EIF4G3: variants seen among roughly 807,000 people sequenced by gnomAD.
EIF4G3 encodes the protein eukaryotic translation initiation factor 4 gamma 3, also known as eIF-4-gamma 3.
Under a neutral mutation model 186.4 loss-of-function variants are expected in EIF4G3, and 34 were observed. The observed-to-expected ratio is 0.18, with a 90% CI of 0.14 to 0.24. EIF4G3 has a LOEUF of 0.24. Ranked by LOEUF, EIF4G3 falls within the 10% of genes least tolerant of loss-of-function variation. The probability of loss-of-function intolerance (pLI) is 1.00; values close to 1 mark genes in which losing one functional copy is unlikely to be tolerated. For missense variants in EIF4G3, 1,536 were observed against 1,948.5 expected, an observed-to-expected ratio of 0.79 and a Z score of 3.99; for synonymous variants, 673 against 679.5, an observed-to-expected ratio of 0.99 and a Z score of 0.15.
At position 20,813,327 on chromosome 1, in the gene EIF4G3, G is replaced by GC. The variant is rs1330188082; in HGVS notation, c.4516-89dup. 5 of 875,178 alleles carry GC rather than the reference G, an allele frequency of 5.7e-6. No homozygotes were observed. In the African/African-American group the frequency reaches 8.4e-5, roughly 15 times the overall value. The allele number at this position is 875,178 out of a possible 1,614,324, so 54.2% of individuals were successfully genotyped here. A position where few individuals can be genotyped will look rare whatever the true frequency, so the allele number is the denominator to read the frequency against. On this transcript the variant is annotated intron_variant, in intron 34 of 36. Transcript: ENST00000602326. ...GCCTGTAATCCCAACACTTTGGGAGGCCGAGACAGGAGGATCACTTGAGGC... is the reference window on the plus strand; with the variant it reads ...GCCTGTAATCCCAACACTTTGGGAGGCCCGAGACAGGAGGATCACTTGAGGC...
chr1:21,145,421 A>G lies in EIF4G3; in HGVS notation c.-272+30754T>C, dbSNP rs188513982. Among the ~76,000 whole-genome samples the G allele has an allele frequency of 2.0e-5, 3 of 151,744 alleles. No individual in the cohort carries two copies. In the East Asian group the frequency reaches 5.8e-4, roughly 29 times the overall value. ...ACCAACATACCTCTTAAAAGTGTCCAGTTTATTTTATGCCTTTTTTTTTTT... is the reference window on the plus strand; with the variant it reads ...ACCAACATACCTCTTAAAAGTGTCCGGTTTATTTTATGCCTTTTTTTTTTT... On this transcript the variant is annotated intron_variant, in intron 2 of 36. Transcript: ENST00000602326.
chr1:21,155,725 G>GT (rs2097648380), intron 2 of EIF4G3, among the ~76,000 whole-genome samples: 1 of 152,036 alleles, frequency 6.6e-6, no homozygotes, highest in Non-Finnish European at 1.5e-5. Flanking sequence ...ATTTTGAGAA[G>GT]TTTTTTTATT....
intron 4 of EIF4G3, among the ~76,000 whole-genome samples, chr1:21,015,758 A>AG (rs1459801259): frequency 2.0e-5 from 3 of 151,100 alleles, no homozygotes; most frequent in African/African-American, 4.9e-5. Flanking sequence ...AAAGGAAAGA[A>AG]AAAAAAAAAA....
intron 33 of EIF4G3, among the ~76,000 whole-genome samples, chr1:20,819,569 C>A (rs927206642): frequency 1.3e-5 from 2 of 151,976 alleles, no homozygotes; most frequent in Admixed American, 6.6e-5. Flanking sequence ...TGATCCTTAG[C>A]GAACTAATGC....
Position 21,050,803 on chromosome 1 carries a change from G to C in EIF4G3, c.-67+63C>G. 3 of 661,052 alleles carry C rather than the reference G, an allele frequency of 4.5e-6. No homozygotes were observed. In the Admixed American group the frequency reaches 8.7e-5, roughly 19 times the overall value. The allele number at this position is 661,052 out of a possible 1,614,324, so 40.9% of individuals were successfully genotyped here. ...ATGTTACTGCTTAGGAGTCTCTTTA[G>C]AAAAACAAAAATGATGCCTTTACAG... On this transcript the variant is annotated intron_variant, in intron 4 of 36. Transcript: ENST00000602326.
intron 23 of EIF4G3, 73 bp from the exon 24 acceptor site, chr1:20,860,590 TTA>T (rs1014569987): frequency 2.0e-6 from 3 of 1,528,160 alleles, no homozygotes; most frequent in Non-Finnish European, 2.7e-6. Flanking sequence ...TTAGCAATTT[TTA>T]CTACTGGAAA....
intron 29 of EIF4G3, among the ~76,000 whole-genome samples, chr1:20,845,045 T>C (rs2070329578): frequency 6.6e-6 from 1 of 152,208 alleles, no homozygotes; most frequent in African/African-American, 2.4e-5. Flanking sequence ...AATCTTTGCC[T>C]GTGCCTATGT....
At chr1:20,835,967 A>G (rs767435940) in intron 30 of EIF4G3, among the ~76,000 whole-genome samples, 3 of 151,954 alleles carry the variant, frequency 2.0e-5, no homozygotes, top group Non-Finnish European at 4.4e-5. Flanking sequence ...CCAGGACTAG[A>G]TGGCTTCACT....
intron 4 of EIF4G3, among the ~76,000 whole-genome samples, 163 bp from the exon 5 acceptor site, chr1:21,002,971 A>C (rs916099058): frequency 6.6e-6 from 1 of 150,396 alleles, no homozygotes; most frequent in African/African-American, 2.4e-5. Context: ...ACTCAAAATC[A>C]GTACAGTTCC....
At chr1:20,937,815 T>C (rs17450813) in intron 14 of EIF4G3, among the ~76,000 whole-genome samples, 60,709 of 151,946 alleles carry the variant, frequency 0.4, 12,738 homozygotes, top group Middle Eastern at 0.53. Flanking sequence ...GAATAAACAA[T>C]AAAAATTCCC....
intron 12 of EIF4G3, among the ~76,000 whole-genome samples, chr1:20,963,643 A>C (rs1284258689): frequency 6.6e-6 from 1 of 152,106 alleles, no homozygotes; most frequent in African/African-American, 2.4e-5. Flanking sequence ...AAAGGTACAT[A>C]ATTCATTTTT....
chr1:21,011,954 T>C (rs1461840758), intron 4 of EIF4G3, among the ~76,000 whole-genome samples: 6 of 152,284 alleles, frequency 3.9e-5, no homozygotes, highest in South Asian at 4.1e-4. Flanking sequence ...AAACTATGCT[T>C]ATACACATGG....
intron 30 of EIF4G3, among the ~76,000 whole-genome samples, chr1:20,834,382 G>A (rs541171983): frequency 1.3e-5 from 2 of 152,216 alleles, no homozygotes; most frequent in East Asian, 3.9e-4. Context: ...AGGTTGCAGT[G>A]AGCCTTGATT....
rs903651739 is a variant in EIF4G3, at chr1:20,882,214, C to CACA, written c.2425-2695_2425-2694insTGT. Among the ~76,000 whole-genome samples the CACA allele has an allele frequency of 6.6e-5, 4 of 60,254 alleles. No individual in the cohort carries two copies. In the East Asian group the frequency reaches 2.8e-3, roughly 42 times the overall value. The allele number at this position is 60,254 out of a possible 152,430, so 39.5% of individuals were successfully genotyped here. On this transcript the variant is annotated intron_variant, in intron 19 of 36. Transcript: ENST00000602326. ...ACACACACACACACACACACACACA[C>CACA]AAAATCATTTATTGGATAAGCTACA...
chr1:21,017,652 A>G (rs6697563), intron 4 of EIF4G3, among the ~76,000 whole-genome samples: 42,021 of 129,104 alleles, frequency 0.33, 7,557 homozygotes, highest in Non-Finnish European at 0.37. Context: ...AAAAAAAAAA[A>G]AAGAAGTTTA....
In EIF4G3 at chr1:20,884,089, G is replaced by A. The variant is rs193028150; in HGVS notation, c.2424+2112C>T. ...ATTTAATATAGTAGTAGGAACGTAA[G>A]GGAAGGCAACAAAGCAAGTCCATAT... is the stretch of plus-strand genomic sequence containing the variant. On this transcript the variant is annotated intron_variant, in intron 19 of 36. Transcript: ENST00000602326. 4.2e-3 allele frequency among the ~76,000 whole-genome samples: 641 copies of A among 152,238 alleles called. 4 individuals are homozygous for A. Among genetic ancestry groups the A allele is most frequent in the African/African-American group, 0.014 (579 of 41,544 alleles).
intron 14 of EIF4G3, among the ~76,000 whole-genome samples, chr1:20,908,609 A>T (rs1203776248): frequency 2.0e-5 from 3 of 152,164 alleles, no homozygotes; most frequent in Non-Finnish European, 4.4e-5. Context: ...TGTAGGATGT[A>T]ATACAAGTCA....
intron 27 of EIF4G3, among the ~76,000 whole-genome samples, chr1:20,852,996 T>C (rs2073833088): frequency 6.6e-6 from 1 of 151,748 alleles, no homozygotes; most frequent in Non-Finnish European, 1.5e-5. Flanking sequence ...AAAAAAAAAG[T>C]TTTAGAGCTT....
At chr1:21,006,720 G>A (rs1312672439) in intron 4 of EIF4G3, among the ~76,000 whole-genome samples, 1 of 152,142 alleles carries the variant, frequency 6.6e-6, no homozygotes, top group African/African-American at 2.4e-5. Context: ...GATTTGGACA[G>A]TCAACCACAG....
Sources: gnomAD v4.1 joint callset for allele counts (sites outside exome capture counted in the v4.1 genomes callset) on GRCh38, gnomAD v4.1.1 for gene constraint, MANE v1.5 for transcripts, NCBI Gene and HGNC (gene_info 2026-07-23, HGNC 2026-07-21) for gene names.